The following COL14A1 variants were observed in gnomAD, a reference collection of about 807,000 sequenced individuals.
The protein encoded by COL14A1 is collagen type XIV alpha 1 chain.
COL14A1 carries 136 observed loss-of-function variants against 230.3 expected under a neutral mutation model. That is an observed-to-expected ratio of 0.59 (90% CI 0.51 to 0.68). The LOEUF is 0.68. Ranked by LOEUF, COL14A1 falls within the 30% of genes least tolerant of loss-of-function variation. The pLI is 0.00. For missense variants in COL14A1, 1,976 were observed against 2,215.8 expected (o/e 0.89, Z 2.17); for synonymous variants, 792 against 784.1 (o/e 1.01, Z -0.17).
intron 40 of COL14A1, among the ~76,000 whole-genome samples, chr8:120,321,493 A>G (rs566444546): frequency 1.3e-5 from 2 of 152,162 alleles, no homozygotes; most frequent in African/African-American, 2.4e-5. Flanking sequence ...ACGAAAAAAA[A>G]ATAGCTTGGC....
intron 1 of COL14A1, among the ~76,000 whole-genome samples, chr8:120,130,051 G>A (rs1473167348): frequency 6.6e-6 from 1 of 152,174 alleles, no homozygotes; most frequent in Non-Finnish European, 1.5e-5. Context: ...GATCAAGTTT[G>A]GTGCTACTGC....
chr8:120,315,635 C>A, intron 39 of COL14A1, 49 bp downstream of exon 39: 4 of 1,473,166 alleles, frequency 2.7e-6, no homozygotes, highest in Admixed American at 1.9e-5. Context: ...ACAACTTTGC[C>A]AAGGGGGAAA....
At chr8:120,310,108 C>G (rs771512488) in intron 37 of COL14A1, 46 bp downstream of exon 37, 7 of 1,587,810 alleles carry the variant, frequency 4.4e-6, no homozygotes, top group Non-Finnish European at 6.0e-6. Context: ...CTCTCTCTCT[C>G]TCTCATAAAT....
chr8:120,295,267 T>A (rs1311817769), intron 34 of COL14A1, among the ~76,000 whole-genome samples: 2 of 151,930 alleles, frequency 1.3e-5, no homozygotes, highest in Non-Finnish European at 2.9e-5. Flanking sequence ...ATCTGCATTT[T>A]AAACGTTAGA....
chr8:120,369,056 C>T (rs547664368), intron 46 of COL14A1, among the ~76,000 whole-genome samples: 17 of 152,284 alleles, frequency 1.1e-4, no homozygotes, highest in Non-Finnish European at 1.8e-4. Flanking sequence ...GGTTCCTTTC[C>T]CTTTAACATC....
intron 5 of COL14A1, among the ~76,000 whole-genome samples, chr8:120,180,701 CTTTTTTTTTTTT>C (rs34377563): frequency 2.4e-5 from 2 of 83,576 alleles, no homozygotes; most frequent in African/African-American, 1.0e-4. Flanking sequence ...GGTAGGAAGC[CTTTTTTTTTTTT>C]TTTTTTTTTT....
intron 5 of COL14A1, 75 bp from the exon 6 acceptor site, chr8:120,196,716 A>G: frequency 6.8e-7 from 1 of 1,470,282 alleles, no homozygotes; most frequent in Non-Finnish European, 9.3e-7. Context: ...AAGTTGTCTA[A>G]AAGACATTAA....
rs1819930458 is a variant in COL14A1 at position 120,278,587 on chromosome 8, T to C, written c.3481+9T>C. On this transcript the variant is annotated intron_variant, in intron 28 of 47. Transcript: ENST00000297848. ...GGAGATGCAATTAGATGGTAAGATATATAAACAATAGTGGCTACCAAATAT... is the reference window on the plus strand; with the variant it reads ...GGAGATGCAATTAGATGGTAAGATACATAAACAATAGTGGCTACCAAATAT... 2.5e-6 allele frequency: 4 copies of C among 1,610,790 alleles called. No individual in the cohort carries two copies. The highest frequency in any genetic ancestry group is 2.5e-6 in the Non-Finnish European group (3 of 1,178,314).
intron 19 of COL14A1, among the ~76,000 whole-genome samples, chr8:120,232,834 T>A (rs1032421739): frequency 3.9e-5 from 6 of 152,228 alleles, no homozygotes. Flanking sequence ...CTTTGAGGAA[T>A]CGCTACACTG....
chr8:120,186,213 A>G (rs1419641678), intron 5 of COL14A1, among the ~76,000 whole-genome samples: 2 of 152,202 alleles, frequency 1.3e-5, no homozygotes, highest in Non-Finnish European at 2.9e-5. Flanking sequence ...AATGACCTTA[A>G]CTCTTTTTAT....
intron 10 of COL14A1, among the ~76,000 whole-genome samples, chr8:120,207,403 C>G (rs1471622088): frequency 7.9e-6 from 1 of 126,460 alleles, no homozygotes; most frequent in Non-Finnish European, 1.6e-5. Flanking sequence ...CTGGCCAGGA[C>G]CCCTTTTGCT....
At position 120,363,458 on chromosome 8, in the gene COL14A1, T is replaced by C. The variant is rs144558222; in HGVS notation, c.5078-3713T>C. Among the ~76,000 whole-genome samples, 1,493 of 152,206 alleles carry C rather than the reference T, an allele frequency of 9.8e-3. 29 individuals carry two copies. Among genetic ancestry groups the C allele is most frequent in the African/African-American group, 0.034 (1,422 of 41,520 alleles). ...AGGGGAGGAAGAGCATCAGGACAAA[T>C]AGCTAATGTGTGTGGGGCTTAAAAC... On this transcript the variant is annotated intron_variant, in intron 45 of 47. Coordinates refer to ENST00000297848, the MANE Select transcript of COL14A1 (RefSeq NM_021110.4).
At chr8:120,322,283 AC>A (rs1197572791) in intron 40 of COL14A1, among the ~76,000 whole-genome samples, 4 of 152,074 alleles carry the variant, frequency 2.6e-5, no homozygotes, top group African/African-American at 9.7e-5. Flanking sequence ...TGGGATTGAT[AC>A]CTCGGTGACA....
chr8:120,193,717 C>T (rs1048940079), intron 5 of COL14A1, among the ~76,000 whole-genome samples: 22 of 152,164 alleles, frequency 1.4e-4, no homozygotes, highest in African/African-American at 2.4e-4. Flanking sequence ...TTGAGCTTCC[C>T]GGCTGGTTTG....
At chr8:120,197,678 A>C (rs1222404782) in intron 6 of COL14A1, 133 bp from the exon 7 acceptor site, 2 of 832,642 alleles carry the variant, frequency 2.4e-6, no homozygotes, top group Non-Finnish European at 1.8e-6. Context: ...AATCTTTTTG[A>C]AAATTTATAG....
chr8:120,229,195 T>C (rs1435495922), intron 18 of COL14A1, among the ~76,000 whole-genome samples: 1 of 151,380 alleles, frequency 6.6e-6, no homozygotes, highest in Non-Finnish European at 1.5e-5. Flanking sequence ...TGTGCCATGC[T>C]GGTGCACTGC....
chr8:120,307,889 C>T (rs1269150680), intron 36 of COL14A1, among the ~76,000 whole-genome samples: 3 of 152,200 alleles, frequency 2.0e-5, no homozygotes, highest in Non-Finnish European at 2.9e-5. Context: ...TTTCACTTAA[C>T]GATTCTACTC....
At chr8:120,301,455 T>C (rs1239072838) in intron 36 of COL14A1, among the ~76,000 whole-genome samples, 1 of 152,140 alleles carries the variant, frequency 6.6e-6, no homozygotes, top group Non-Finnish European at 1.5e-5. Context: ...TCATGTGGTA[T>C]TTGGTTTTCT....
intron 1 of COL14A1, among the ~76,000 whole-genome samples, chr8:120,128,228 C>CGCGCGT (rs1371704696): frequency 3.2e-4 from 47 of 146,786 alleles, no homozygotes; most frequent in South Asian, 1.8e-3. Flanking sequence ...TGTGCGCGCG[C>CGCGCGT]GTGTGTGTGT....
Sources: allele counts gnomAD v4.1 joint callset (sites outside exome capture counted in the v4.1 genomes callset), GRCh38; gene constraint gnomAD v4.1.1; transcripts MANE v1.5; gene names NCBI Gene and HGNC (gene_info 2026-07-23, HGNC 2026-07-21).